The following HMCN1 variants were observed in gnomAD, a reference collection of about 807,000 sequenced individuals.
The protein encoded by HMCN1 is hemicentin-1.
In HMCN1, 321 loss-of-function variants were observed where a neutral mutation model predicts 625.9. The ratio of observed to expected loss-of-function variants is 0.51; its 90% CI spans 0.47 to 0.56. HMCN1 has a LOEUF of 0.56. Ranked by LOEUF, HMCN1 falls within the 20% of genes least tolerant of loss-of-function variation. The pLI is 0.00. For synonymous variants in HMCN1, 2,425 were observed against 2,417.6 expected (o/e 1.00, Z -0.09); for missense variants, 6,588 against 6,887.3 (o/e 0.96, Z 1.54).
intron 100 of HMCN1, among the ~76,000 whole-genome samples, chr1:186,167,270 A>G (rs568766065): frequency 6.6e-6 from 1 of 152,328 alleles, no homozygotes; most frequent in Admixed American, 6.5e-5. Flanking sequence ...AATAAAATCT[A>G]TTTCATAAAA....
At chr1:186,173,640 C>CAAAAAAAAAAAAAAAAA (rs762258823) in intron 102 of HMCN1, among the ~76,000 whole-genome samples, 3 of 74,700 alleles carry the variant, frequency 4.0e-5, no homozygotes, top group Non-Finnish European at 7.7e-5. Flanking sequence ...GACTCCATCT[C>CAAAAAAAAAAAAAAAAA]AAAAAAAAAA....
chr1:185,977,067 TCTGTGGTTA>T (rs1464272445), intron 15 of HMCN1, among the ~76,000 whole-genome samples: 39 of 152,160 alleles, frequency 2.6e-4, no homozygotes. Flanking sequence ...CTCCCTGATC[TCTGTGGTTA>T]CCTGAATTAC....
At chr1:185,955,357 C>A (rs1258295904) in intron 11 of HMCN1, among the ~76,000 whole-genome samples, 2 of 152,098 alleles carry the variant, frequency 1.3e-5, no homozygotes, top group Non-Finnish European at 2.9e-5. Context: ...TGAATTGTAT[C>A]CTCATAAAGC....
Position 185,960,527 on chromosome 1 carries a change from G to C in HMCN1, c.1829-1991G>C, listed in dbSNP as rs940778242. 1.8e-4 allele frequency among the ~76,000 whole-genome samples: 27 copies of C among 152,154 alleles called. 1 individual carries two copies. Among genetic ancestry groups the C allele is most frequent in the African/African-American group, 6.3e-4 (26 of 41,438 alleles). On this transcript the variant is annotated intron_variant, in intron 11 of 106. Coordinates refer to ENST00000271588, the MANE Select transcript of HMCN1 (RefSeq NM_031935.3). ...GCACACAGACTTATTTCATGACCCT[G>C]AGTAGCACCCTATGTCCAGGCTGTA... is the stretch of plus-strand genomic sequence containing the variant.
At chr1:186,010,566 T>C (rs1011740444) in intron 30 of HMCN1, among the ~76,000 whole-genome samples, 5 of 152,210 alleles carry the variant, frequency 3.3e-5, no homozygotes, top group Non-Finnish European at 7.3e-5. Flanking sequence ...TTCATTAATA[T>C]ATTATCCAAG....
At chr1:186,076,787 T>C (rs1203735309) in intron 54 of HMCN1, among the ~76,000 whole-genome samples, 165 bp downstream of exon 54, 1 of 152,194 alleles carries the variant, frequency 6.6e-6, no homozygotes, top group Non-Finnish European at 1.5e-5. Flanking sequence ...TAGAAGAGTC[T>C]TGCTTGAGAA....
intron 29 of HMCN1, among the ~76,000 whole-genome samples, chr1:186,005,329 AT>A (rs1327618035): frequency 6.9e-5 from 10 of 145,544 alleles, no homozygotes; most frequent in East Asian, 6.1e-4. Flanking sequence ...TTTATAAACA[AT>A]TTTTTAATTG....
Position 186,130,704 on chromosome 1 carries a change from C to T in HMCN1, c.13230+7C>T, listed in dbSNP as rs754699905. 7 of 1,611,494 alleles carry T rather than the reference C, an allele frequency of 4.3e-6. 1 individual carries two copies. The South Asian group carries it at 7.7e-5, about 18-fold the overall frequency. ...GGCCATCTATGGCACTGTTGTAAGT[C>T]ACGCCAGAATGATTGATGCACCTTT... On this transcript the variant is annotated splice_region_variant and intron_variant, in intron 85 of 106. Coordinates refer to ENST00000271588, the MANE Select transcript of HMCN1 (RefSeq NM_031935.3).
chr1:185,814,296 A>C (rs1030876053), intron 1 of HMCN1, among the ~76,000 whole-genome samples: 9 of 150,940 alleles, frequency 6.0e-5, no homozygotes, highest in Non-Finnish European at 8.8e-5. Flanking sequence ...CAAATAGATT[A>C]CATTTTTTTC....
chr1:185,959,493 A>G (rs1649859145), intron 11 of HMCN1, among the ~76,000 whole-genome samples: 1 of 152,180 alleles, frequency 6.6e-6, no homozygotes, highest in Non-Finnish European at 1.5e-5. Flanking sequence ...AATTATTGAT[A>G]GGAAATTACA....
intron 11 of HMCN1, among the ~76,000 whole-genome samples, chr1:185,943,303 G>A (rs1278828908): frequency 6.6e-6 from 1 of 152,198 alleles, no homozygotes; most frequent in East Asian, 1.9e-4. Flanking sequence ...ATCTGAAATG[G>A]AGGCACTTCA....
intron 80 of HMCN1, among the ~76,000 whole-genome samples, chr1:186,122,492 CT>C (rs1308537298): frequency 9.2e-5 from 14 of 152,038 alleles, no homozygotes; most frequent in African/African-American, 3.4e-4. Context: ...TCAAATAATC[CT>C]TTATTAAATG....
intron 4 of HMCN1, among the ~76,000 whole-genome samples, chr1:185,875,490 G>C (rs140423439): frequency 6.6e-6 from 1 of 152,116 alleles, no homozygotes; most frequent in East Asian, 1.9e-4. Context: ...TCTACTTTCT[G>C]TTTTGCTTCT....
intron 100 of HMCN1, among the ~76,000 whole-genome samples, chr1:186,168,920 G>C (rs1046275594): frequency 6.7e-6 from 1 of 150,128 alleles, no homozygotes; most frequent in African/African-American, 2.4e-5. Context: ...CCTAACCCCC[G>C]CCCAATCCCT....
In HMCN1 at chr1:186,045,658, ATCCTGAAAGAAAACC is replaced by A; in HGVS notation, c.6305-29_6305-15del. 1 of 1,577,724 alleles carries A rather than the reference ATCCTGAAAGAAAACC, an allele frequency of 6.3e-7. No individual in the cohort carries two copies. Among genetic ancestry groups the A allele is most frequent in the Non-Finnish European group, 8.7e-7 (1 of 1,147,164 alleles). On this transcript the variant is annotated splice_polypyrimidine_tract_variant and intron_variant, in intron 40 of 106. Coordinates refer to ENST00000271588, the MANE Select transcript of HMCN1 (RefSeq NM_031935.3). Reference sequence around the variant, plus strand: ...TGTAAACAGTGTGCTGGCCTGTTTTATCCTGAAAGAAAACCCATCTTTCATGTAGTTCCGCCAAAT... The same window carrying A: ...TGTAAACAGTGTGCTGGCCTGTTTTACATCTTTCATGTAGTTCCGCCAAAT...
At position 185,988,710 on chromosome 1, in the gene HMCN1, G is replaced by C. The variant is rs1455882388; in HGVS notation, c.3049-778G>C. Among the ~76,000 whole-genome samples the C allele has an allele frequency of 5.3e-5, 8 of 152,272 alleles. No individual in the cohort carries two copies. In the South Asian group the frequency reaches 1.2e-3, roughly 24 times the overall value. ...AGAACTTGGGCTCTAGAGCCTCGCTGCTGGATTTCAACCCCAGCTCTACCA... is the reference window on the plus strand; with the variant it reads ...AGAACTTGGGCTCTAGAGCCTCGCTCCTGGATTTCAACCCCAGCTCTACCA... On this transcript the variant is annotated intron_variant, in intron 20 of 106. Coordinates refer to ENST00000271588, the MANE Select transcript of HMCN1 (RefSeq NM_031935.3).
intron 41 of HMCN1, among the ~76,000 whole-genome samples, chr1:186,046,341 C>T (rs892827209): frequency 1.3e-5 from 2 of 152,048 alleles, no homozygotes; most frequent in South Asian, 2.1e-4. Flanking sequence ...TGGTGACATG[C>T]ACCGGTAATC....
chr1:185,933,428 T>G (rs1667651176), intron 10 of HMCN1, 121 bp from the exon 11 acceptor site: 1 of 927,342 alleles, frequency 1.1e-6, no homozygotes. Context: ...GAGTAAGTTC[T>G]GTTGCACTGC....
chr1:185,941,957 C>T (rs2102512881), intron 11 of HMCN1, among the ~76,000 whole-genome samples: 1 of 151,978 alleles, frequency 6.6e-6, no homozygotes, highest in Middle Eastern at 3.4e-3. Flanking sequence ...CTTTGGGAGG[C>T]AAGATGGGCA....
Sources: gnomAD v4.1 joint callset for allele counts (sites outside exome capture counted in the v4.1 genomes callset) on GRCh38, gnomAD v4.1.1 for gene constraint, MANE v1.5 for transcripts, NCBI Gene and HGNC (gene_info 2026-07-23, HGNC 2026-07-21) for gene names.